The following GRM4 variants were observed in gnomAD, a reference collection of about 807,000 sequenced individuals.
The protein encoded by GRM4 is glutamate metabotropic receptor 4.
Under a neutral mutation model 81.7 loss-of-function variants are expected in GRM4, and 28 were observed. The ratio of observed to expected loss-of-function variants is 0.34; its 90% CI spans 0.25 to 0.47. GRM4 has a LOEUF of 0.47. GRM4 is among the 20% of genes least tolerant of loss of function. The pLI is 1.00. For synonymous variants in GRM4, 488 were observed against 528.8 expected (o/e 0.92, Z 1.06); for missense variants, 948 against 1,290.0 (o/e 0.73, Z 4.06).
At position 34,092,180 on chromosome 6, in the gene GRM4, C is replaced by G. The variant is rs1768268524; in HGVS notation, c.520-81G>C. On this transcript the variant is annotated intron_variant, in intron 2 of 10. Transcript: ENST00000538487. This position sits in a 1 kb window ranked among gnomAD's most constrained non-coding sequence, Gnocchi z 6.8. ...CAGCCCCATTCCCCTACACACCAAC[C>G]TCCCTTTGGTCCCCACAGCCTTGGG... is the stretch of plus-strand genomic sequence containing the variant. 1.1e-6 allele frequency: 1 copy of G among 909,914 alleles called. No individual in the cohort carries two copies. The highest frequency in any genetic ancestry group is 1.6e-5 in the African/African-American group (1 of 61,134). 56.4% of individuals were successfully genotyped at this position (909,914 alleles called of 1,614,324 possible). A position where few individuals can be genotyped will look rare whatever the true frequency, so the allele number is the denominator to read the frequency against.
rs1764734274 is a variant in GRM4 at position 34,036,719 on chromosome 6, TA to T, written c.1507-117del. ...CACTCAAATCACCCAGCTAGTTGGC[TA>T]AAAGTCCAGCTGCCCGGACCCCACA... On this transcript the variant is annotated intron_variant, in intron 8 of 10. Coordinates refer to ENST00000538487, the MANE Select transcript of GRM4 (RefSeq NM_000841.4). This position sits in a 1 kb window ranked among gnomAD's most constrained non-coding sequence, Gnocchi z 9.0. 1.9e-5 allele frequency: 12 copies of T among 623,570 alleles called. No individual in the cohort carries two copies. In the South Asian group the frequency reaches 2.4e-4, roughly 12 times the overall value. 38.6% of individuals were successfully genotyped at this position (623,570 alleles called of 1,614,324 possible).
chr6:34,030,762 A>G (rs540217275), intron 9 of GRM4, among the ~76,000 whole-genome samples: 26 of 152,280 alleles, frequency 1.7e-4, no homozygotes, highest in African/African-American at 6.3e-4. Context: ...CCAACTCTCA[A>G]CACAGGCATG....
chr6:34,056,923 G>A (rs190548050), intron 5 of GRM4, among the ~76,000 whole-genome samples: 23 of 152,378 alleles, frequency 1.5e-4, no homozygotes, highest in African/African-American at 5.5e-4. Flanking sequence ...TTATGGAAGA[G>A]AAGCACACCG....
chr6:34,143,707 G>A (rs371687952), intron 1 of GRM4, among the ~76,000 whole-genome samples: 3 of 152,370 alleles, frequency 2.0e-5, no homozygotes, highest in East Asian at 3.9e-4. Context: ...CGGGAGTGTG[G>A]GCAGATGGGT....
chr6:34,036,564 G>A lies in GRM4; in HGVS notation c.1546C>T (p.Pro516Ser). Residue 516 changes from proline (P) to serine (S), a missense_variant, in exon 9 of 11, where the codon CCC (proline) becomes TCC (serine). Coordinates refer to ENST00000538487, the MANE Select transcript of GRM4 (RefSeq NM_000841.4). The surrounding 1 kb of genome is among the most constrained non-coding windows in gnomAD (Gnocchi z 9.0). ...CAGGGCAGGCTGCAGATGGAGCGGG[G>A]CAGCTGCTGCCCGCTCCCCGGCCAG... ...MHWPGSGQQL[P>S]RSICSLPCQP... 1.3e-6 allele frequency: 2 copies of A among 1,599,376 alleles called. No homozygotes were observed. The highest frequency in any genetic ancestry group is 2.7e-5 in the African/African-American group (2 of 74,816).
chr6:34,096,237 C>G (rs1166002036), intron 2 of GRM4, among the ~76,000 whole-genome samples: 1 of 152,180 alleles, frequency 6.6e-6, no homozygotes, highest in Non-Finnish European at 1.5e-5. Context: ...CAAGCACAGG[C>G]GTCCTGCTCT....
At position 34,133,673 on chromosome 6, in the gene GRM4, C is replaced by T. The variant is rs1770341928; in HGVS notation, c.-177G>A. 3 of 1,415,480 alleles carry T rather than the reference C, an allele frequency of 2.1e-6. No homozygotes were observed. Among genetic ancestry groups the T allele is most frequent in the Admixed American group, 3.0e-5 (1 of 33,684 alleles). The allele number at this position is 1,415,480 out of a possible 1,614,324, so 87.7% of individuals were successfully genotyped here. On this transcript the variant is annotated 5_prime_UTR_variant, in exon 2 of 11. Coordinates refer to ENST00000538487, the MANE Select transcript of GRM4 (RefSeq NM_000841.4). This position sits in a 1 kb window ranked among gnomAD's most constrained non-coding sequence, Gnocchi z 6.5. ...CCACCTCCTTGTCACTCGGGCCAAG[C>T]ACAGTTGCCCGCACAGTCCAGGCCC...
chr6:34,083,469 TG>T (rs1275416656), intron 3 of GRM4, among the ~76,000 whole-genome samples: 1 of 152,124 alleles, frequency 6.6e-6, no homozygotes, highest in Non-Finnish European at 1.5e-5. Context: ...TGGCGCGTGG[TG>T]GGTCTCGTGG....
rs761922640 is a variant in GRM4, at chr6:34,028,145, C to G, written c.2664G>C (p.Glu888Asp). ...NFRPNGEAKS[E>D]LCENLEAPAL... ...CTGGGGCCTCAAGGTTCTCGCAGAG[C>G]TCAGACTTGGCCTCTCCGTTGGGCC... The change falls in exon 10 of 11, where the codon GAG becomes GAC. Residue 888 changes from glutamate (E) to aspartate (D), a missense_variant. Coordinates refer to ENST00000538487, the MANE Select transcript of GRM4 (RefSeq NM_000841.4). The G allele has an allele frequency of 6.2e-7, 1 of 1,613,718 alleles. No individual in the cohort carries two copies. The highest frequency in any genetic ancestry group is 2.2e-5 in the East Asian group (1 of 44,868).
Position 34,146,042 on chromosome 6 carries a change from G to A in GRM4, c.-406C>T, listed in dbSNP as rs1401688905. The A allele has an allele frequency of 1.0e-6, 1 of 985,114 alleles. No homozygotes were observed. Among genetic ancestry groups the A allele is most frequent in the Non-Finnish European group, 1.2e-6 (1 of 829,834 alleles). The allele number at this position is 985,114 out of a possible 1,614,324, so 61.0% of individuals were successfully genotyped here. A position where few individuals can be genotyped will look rare whatever the true frequency, so the allele number is the denominator to read the frequency against. ...GACCCCTTCTCACCCCAGAGGGGGA[G>A]GGTCAGGAACATAGCCTCCCTAACA... On this transcript the variant is annotated 5_prime_UTR_variant, in exon 1 of 11. Transcript: ENST00000538487.
rs1360693184 is a variant in GRM4 at position 34,048,444 on chromosome 6, C to A, written c.1169-7696G>T. Among the ~76,000 whole-genome samples, 1 of 151,832 alleles carries A rather than the reference C, an allele frequency of 6.6e-6. No individual in the cohort carries two copies. Among genetic ancestry groups the A allele is most frequent in the Non-Finnish European group, 1.5e-5 (1 of 67,928 alleles). ...GGAGCTGGGGCTCAGCTCTCCCACACAGGAGGGGCTGGGGCTGGGGGTGGG... is the reference window on the plus strand; with the variant it reads ...GGAGCTGGGGCTCAGCTCTCCCACAAAGGAGGGGCTGGGGCTGGGGGTGGG... On this transcript the variant is annotated intron_variant, in intron 6 of 10. Transcript: ENST00000538487. The surrounding 1 kb of genome is among the most constrained non-coding windows in gnomAD (Gnocchi z 4.0).
chr6:34,061,881 A>G lies in GRM4; in HGVS notation c.872+12T>C, dbSNP rs757181236. The G allele has an allele frequency of 8.7e-6, 14 of 1,604,700 alleles. No homozygotes were observed. The highest frequency in any genetic ancestry group is 1.2e-5 in the Non-Finnish European group (14 of 1,173,268). ...GGCTCCCGGTGCCCACCCTGCTGCC[A>G]CCTGCCCTCACCTGATGTCATCCTC... is the stretch of plus-strand genomic sequence containing the variant. On this transcript the variant is annotated intron_variant, in intron 4 of 10. Transcript: ENST00000538487.
At chr6:34,107,924 C>G (rs778586955) in intron 2 of GRM4, among the ~76,000 whole-genome samples, 3 of 152,220 alleles carry the variant, frequency 2.0e-5, no homozygotes, top group Non-Finnish European at 4.4e-5. Flanking sequence ...AAGCCCTTGC[C>G]TAGACACTGA....
At chr6:34,120,617 G>A (rs779237417) in intron 2 of GRM4, among the ~76,000 whole-genome samples, 12 of 152,006 alleles carry the variant, frequency 7.9e-5, no homozygotes, top group Non-Finnish European at 1.8e-4. Context: ...CTACCAATTC[G>A]GGCAGGAAGA....
intron 4 of GRM4, chr6:34,061,160 A>C (rs549728332): frequency 6.6e-6 from 1 of 152,386 alleles, no homozygotes; most frequent in South Asian, 2.1e-4. Context: ...GAGACCTGGC[A>C]GGGGCCACAT....
At chr6:34,096,975 C>T (rs561553167) in intron 2 of GRM4, among the ~76,000 whole-genome samples, 1 of 151,736 alleles carries the variant, frequency 6.6e-6, no homozygotes, top group Non-Finnish European at 1.5e-5. Context: ...CGGGCTAGAG[C>T]GTGTGTCCTT....
rs1766355931 is a variant in GRM4 at position 34,064,628 on chromosome 6, T to C, written c.737-2600A>G. On this transcript the variant is annotated intron_variant, in intron 3 of 10. Transcript: ENST00000538487. This position sits in a 1 kb window ranked among gnomAD's most constrained non-coding sequence, Gnocchi z 4.4. The stretch of plus-strand genomic sequence containing the variant: ...CTGTTTCACAGCCCTATTGTCAGCA[T>C]GTCCGCTCAGGGGAGTGGGTAAAGG... 6.6e-6 allele frequency among the ~76,000 whole-genome samples: 1 copy of C among 152,186 alleles called. No individual in the cohort carries two copies. Among genetic ancestry groups the C allele is most frequent in the African/African-American group, 2.4e-5 (1 of 41,436 alleles).
At chr6:34,085,835 G>C (rs1174612446) in intron 3 of GRM4, among the ~76,000 whole-genome samples, 1 of 152,196 alleles carries the variant, frequency 6.6e-6, no homozygotes, top group Non-Finnish European at 1.5e-5. Context: ...GGAGGCAGGG[G>C]CTGTTTCAGA....
rs1213473216 is a variant in GRM4, at chr6:34,044,289, T to TACACACAC, written c.1169-3542_1169-3541insGTGTGTGT. ...ACACATATACACATACACACACACA[T>TACACACAC]AGACATACATACATACACATATATA... On this transcript the variant is annotated intron_variant, in intron 6 of 10. Coordinates refer to ENST00000538487, the MANE Select transcript of GRM4 (RefSeq NM_000841.4). Among the ~76,000 whole-genome samples the TACACACAC allele has an allele frequency of 1.5e-4, 20 of 129,068 alleles. 1 individual carries two copies. In the East Asian group the frequency reaches 3.7e-3, roughly 24 times the overall value. 84.7% of individuals were successfully genotyped at this position (129,068 alleles called of 152,430 possible).
Sources: gnomAD v4.1 joint callset for allele counts (sites outside exome capture counted in the v4.1 genomes callset) on GRCh38, gnomAD v4.1.1 for gene constraint, Gnocchi (gnomAD v3.1) non-coding constraint, MANE v1.5 for transcripts, NCBI Gene and HGNC (gene_info 2026-07-23, HGNC 2026-07-21) for gene names.